The following SMAD4 variants were observed in gnomAD, a reference collection of about 807,000 sequenced individuals.
The protein encoded by SMAD4 is SMAD family member 4, also known as MAD homolog 4.
Under a neutral mutation model 63.2 loss-of-function variants are expected in SMAD4, and 7 were observed. The ratio of observed to expected loss-of-function variants is 0.11; its 90% confidence interval spans 0.06 to 0.21. The LOEUF is 0.21. Among genes scored for constraint, SMAD4 ranks in the 10% least tolerant of loss-of-function variants. The pLI is 1.00. For synonymous variants in SMAD4, 215 were observed against 235.4 expected (o/e 0.91, Z 0.79); for missense variants, 312 against 693.8 (o/e 0.45, Z 6.18).
chr18:51,065,627 T>C, intron 9 of SMAD4, 21 bp downstream of exon 9: 1 of 1,606,936 alleles, frequency 6.2e-7, no homozygotes, highest in Non-Finnish European at 8.5e-7. Context: ...TATAGTCAGA[T>C]AGTTACTTTA....
intron 8 of SMAD4, among the ~76,000 whole-genome samples, chr18:51,060,128 A>G (rs1356371884): frequency 5.3e-5 from 8 of 152,236 alleles, no homozygotes; most frequent in African/African-American, 1.9e-4. Context: ...AAAAGAAAAG[A>G]ACTATCTTTT....
At chr18:51,035,866 AAC>A (rs763633274) in intron 1 of SMAD4, among the ~76,000 whole-genome samples, 6 of 152,238 alleles carry the variant, frequency 3.9e-5, no homozygotes, top group East Asian at 3.8e-4. Context: ...ATCTGATTGC[AAC>A]ACACATGCTG....
chr18:51,052,032 G>T (rs60894507), intron 4 of SMAD4, among the ~76,000 whole-genome samples: 1 of 151,712 alleles, frequency 6.6e-6, no homozygotes, highest in Non-Finnish European at 1.5e-5. Context: ...GGCTGGTCTC[G>T]AACTCCTGAC....
At chr18:51,038,981 T>C (rs568851643) in intron 1 of SMAD4, among the ~76,000 whole-genome samples, 1 of 152,148 alleles carries the variant, frequency 6.6e-6, no homozygotes, top group East Asian at 1.9e-4. Context: ...GTGGTACATG[T>C]CTGTAATCCC....
chr18:51,060,851 C>T (rs1599191897), intron 8 of SMAD4, among the ~76,000 whole-genome samples: 1 of 151,922 alleles, frequency 6.6e-6, no homozygotes, highest in Non-Finnish European at 1.5e-5. Flanking sequence ...CCAGGCTGGT[C>T]TCGAACTCCT....
rs1910605304 is a variant in SMAD4, at chr18:51,081,208, G to T, written c.*2741G>T. On this transcript the variant is annotated 3_prime_UTR_variant, in exon 12 of 12. Transcript: ENST00000342988. ...TAAAATTATGAGGTTATGGTTCTGG[G>T]TGGGTTTTCTCTAGCTAATTCATAT... The T allele has an allele frequency of 4.5e-6, 1 of 223,806 alleles. No homozygotes were observed. The highest frequency in any genetic ancestry group is 2.2e-5 in the African/African-American group (1 of 44,726). The allele number at this position is 223,806 out of a possible 1,614,324, so 13.9% of individuals were successfully genotyped here.
chr18:51,068,751 C>T (rs573347963), intron 10 of SMAD4, among the ~76,000 whole-genome samples: 2 of 150,760 alleles, frequency 1.3e-5, no homozygotes, highest in South Asian at 4.2e-4. Context: ...ATACCCCCAT[C>T]TCTACAAAAA....
chr18:51,052,829 G>T, intron 4 of SMAD4: 1 of 160,982 alleles, frequency 6.2e-6, no homozygotes, highest in South Asian at 1.7e-4. Context: ...ATACTGTTCT[G>T]GACCTTGGTT....
At chr18:51,034,637 C>G (rs536692573) in intron 1 of SMAD4, among the ~76,000 whole-genome samples, 1 of 152,192 alleles carries the variant, frequency 6.6e-6, no homozygotes, top group African/African-American at 2.4e-5. Context: ...CTCTACCACC[C>G]AGGCTCAAGC....
chr18:51,048,982 G>C, intron 3 of SMAD4, 122 bp downstream of exon 3: 3 of 846,604 alleles, frequency 3.5e-6, no homozygotes, highest in Non-Finnish European at 5.7e-6. Flanking sequence ...TAAGGTTAAA[G>C]AATCAGACAT....
rs139569694 is a variant in SMAD4, at chr18:51,065,573, A to G, written c.1106A>G (p.Asn369Ser). 30 of 1,614,106 alleles carry G rather than the reference A, an allele frequency of 1.9e-5. No homozygotes were observed. The highest frequency in any genetic ancestry group is 8.0e-5 in the African/African-American group (6 of 74,944). The change falls in exon 9 of 12, where the codon AAT becomes AGT. Residue 369 changes from asparagine to serine, a missense_variant. Physicochemically the swap from Asn to Ser is conservative, Grantham distance 46. Coordinates refer to ENST00000342988, the MANE Select transcript of SMAD4 (RefSeq NM_005359.6). Reference protein sequence around the residue: ...GDRFCLGQLSNVHRTEAIERA... With the variant: ...GDRFCLGQLSSVHRTEAIERA... ...CGCTTTTGTTTGGGTCAACTCTCCA[A>G]TGTCCACAGGACAGAAGCCATTGAG...
intron 1 of SMAD4, among the ~76,000 whole-genome samples, chr18:51,036,949 C>G (rs1281807976): frequency 6.6e-6 from 1 of 152,182 alleles, no homozygotes; most frequent in Non-Finnish European, 1.5e-5. Flanking sequence ...TACCTGAGGT[C>G]AGGAGTTTGA....
At chr18:51,067,329 T>C (rs1055365338) in intron 10 of SMAD4, 142 bp downstream of exon 10, 6 of 485,304 alleles carry the variant, frequency 1.2e-5, no homozygotes, top group African/African-American at 1.2e-4. Flanking sequence ...AAACACATTT[T>C]CTGAGGGCAT....
intron 1 of SMAD4, among the ~76,000 whole-genome samples, chr18:51,039,712 C>G (rs1457842128): frequency 6.6e-6 from 1 of 151,994 alleles, no homozygotes; most frequent in African/African-American, 2.4e-5. Flanking sequence ...AACTGATGTC[C>G]ACCTATAGTA....
intron 1 of SMAD4, among the ~76,000 whole-genome samples, 190 bp downstream of exon 1, chr18:51,030,813 C>A (rs868317953): frequency 4.0e-5 from 6 of 151,550 alleles, no homozygotes; most frequent in Admixed American, 3.3e-4. Flanking sequence ...GAATGCCGGG[C>A]GGCGGTGCCT....
chr18:51,038,434 C>T (rs1909276082), intron 1 of SMAD4, among the ~76,000 whole-genome samples: 1 of 152,202 alleles, frequency 6.6e-6, no homozygotes, highest in South Asian at 2.1e-4. Context: ...TTCACTGATA[C>T]AGTGAATTCC....
chr18:51,030,553 C>T lies in SMAD4; in HGVS notation c.-198C>T, dbSNP rs1393760810. On this transcript the variant is annotated 5_prime_UTR_variant, in exon 1 of 12. Transcript: ENST00000342988. ...GAGCTCTCCGGGCCGCCGGGGAAAG[C>T]TACGGGCCCGGTGCGTCCGCGGACC... The T allele has an allele frequency of 6.6e-6, 1 of 150,520 alleles. No individual in the cohort carries two copies. Among genetic ancestry groups the T allele is most frequent in the Admixed American group, 6.6e-5 (1 of 15,120 alleles). 9.3% of individuals were successfully genotyped at this position (150,520 alleles called of 1,614,324 possible). A position where few individuals can be genotyped will look rare whatever the true frequency, so the allele number is the denominator to read the frequency against.
intron 1 of SMAD4, among the ~76,000 whole-genome samples, chr18:51,043,599 G>A (rs1419168311): frequency 1.3e-5 from 2 of 152,106 alleles, no homozygotes; most frequent in African/African-American, 2.4e-5. Flanking sequence ...GGCACTTGTG[G>A]TCATAGGAAT....
chr18:51,054,880 C>A lies in SMAD4; in HGVS notation c.554C>A (p.Pro185Gln), dbSNP rs770798845. ...EGHSIQTIQHPPSNRASTETY... is the reference protein window; with the variant it reads ...EGHSIQTIQHQPSNRASTETY... ...CATTCAATTCAAACCATCCAGCATCCACCAAGTAATCGTGCATCGACAGAG... is the reference window on the plus strand; with the variant it reads ...CATTCAATTCAAACCATCCAGCATCAACCAAGTAATCGTGCATCGACAGAG... The change falls in exon 5 of 12, where the codon CCA becomes CAA. Residue 185 changes from proline (P) to glutamine (Q), a missense_variant. Physicochemically the swap from Pro to Gln is moderately conservative, Grantham distance 76. Transcript: ENST00000342988. The A allele has an allele frequency of 6.2e-7, 1 of 1,614,022 alleles. No homozygotes were observed. Among genetic ancestry groups the A allele is most frequent in the Non-Finnish European group, 8.5e-7 (1 of 1,179,862 alleles).
Sources: allele counts gnomAD v4.1 joint callset (sites outside exome capture counted in the v4.1 genomes callset), GRCh38; gene constraint gnomAD v4.1.1; transcripts MANE v1.5; gene names NCBI Gene and HGNC (gene_info 2026-07-23, HGNC 2026-07-21).